LRP1B: variants seen among roughly 807,000 people sequenced by gnomAD.
LRP1B encodes the protein LDL receptor related protein 1B.
LRP1B carries 217 observed loss-of-function variants against 556.6 expected under a neutral mutation model. The ratio of observed to expected loss-of-function variants is 0.39; its 90% CI spans 0.35 to 0.44. The LOEUF (loss-of-function observed/expected upper bound fraction) is 0.44, where lower values mean the gene tolerates loss of function less well. LRP1B is among the 20% of genes least tolerant of loss of function. LRP1B has a pLI of 1.00. For synonymous variants in LRP1B, 2,047 were observed against 1,865.8 expected (o/e 1.10, Z -2.50); for missense variants, 5,053 against 5,620.8 (o/e 0.90, Z 3.23).
intron 1 of LRP1B, among the ~76,000 whole-genome samples, chr2:142,105,131 G>T (rs1376726626): frequency 6.6e-6 from 1 of 152,146 alleles, no homozygotes; most frequent in East Asian, 1.9e-4. Context: ...AAAGGCTACT[G>T]AACAAACCTG....
chr2:140,279,236 CTTGTAAA>C (rs887698679), intron 84 of LRP1B, among the ~76,000 whole-genome samples: 4 of 151,934 alleles, frequency 2.6e-5, no homozygotes, highest in African/African-American at 7.2e-5. Flanking sequence ...TCATTGGATA[CTTGTAAA>C]TTGTAAAGCA....
chr2:141,897,854 T>TTAGCTAC (rs1699500118), intron 1 of LRP1B, among the ~76,000 whole-genome samples: 1 of 152,136 alleles, frequency 6.6e-6, no homozygotes, highest in Non-Finnish European at 1.5e-5. Flanking sequence ...AATTTTTCCA[T>TTAGCTAC]TAGCTACATG....
intron 5 of LRP1B, among the ~76,000 whole-genome samples, chr2:141,244,735 A>T (rs1308633613): frequency 6.6e-6 from 1 of 152,138 alleles, no homozygotes; most frequent in African/African-American, 2.4e-5. Context: ...AATTGTACAA[A>T]TACATTGGTT....
Position 141,433,018 on chromosome 2 carries a change from T to G in LRP1B, c.343+47378A>C, listed in dbSNP as rs191828881. On this transcript the variant is annotated intron_variant, in intron 3 of 90. Coordinates refer to ENST00000389484, the MANE Select transcript of LRP1B (RefSeq NM_018557.3). ...TGAGACTTCTCTTCTTTCTTAATAT[T>G]GTATAGGTATATACAACTATTCTCT... Among the ~76,000 whole-genome samples, 200 of 152,184 alleles carry G rather than the reference T, an allele frequency of 1.3e-3. 1 individual carries two copies. Among genetic ancestry groups the G allele is most frequent in the African/African-American group, 4.6e-3 (192 of 41,578 alleles).
chr2:141,950,879 T>G (rs1701087489), intron 1 of LRP1B, among the ~76,000 whole-genome samples: 1 of 152,162 alleles, frequency 6.6e-6, no homozygotes, highest in African/African-American at 2.4e-5. Context: ...TATGCCTAAA[T>G]CTTTGATAAA....
At chr2:141,240,742 T>C (rs1683836204) in intron 5 of LRP1B, among the ~76,000 whole-genome samples, 1 of 152,112 alleles carries the variant, frequency 6.6e-6, no homozygotes, top group Non-Finnish European at 1.5e-5. Context: ...GCAAAGTTTA[T>C]TGACTGTCAC....
intron 2 of LRP1B, among the ~76,000 whole-genome samples, chr2:141,795,292 C>G (rs899193099): frequency 6.6e-6 from 1 of 152,038 alleles, no homozygotes; most frequent in Non-Finnish European, 1.5e-5. Flanking sequence ...ATCTCCTAGT[C>G]TCCATGCTGT....
chr2:142,095,090 G>A (rs1706311123), intron 1 of LRP1B, among the ~76,000 whole-genome samples: 1 of 150,660 alleles, frequency 6.6e-6, no homozygotes, highest in African/African-American at 2.4e-5. Flanking sequence ...ATAGTTTTCT[G>A]TTCACAGAGA....
chr2:141,462,385 G>T (rs1390993392), intron 3 of LRP1B, among the ~76,000 whole-genome samples: 1 of 151,608 alleles, frequency 6.6e-6, no homozygotes, highest in African/African-American at 2.4e-5. Context: ...TCCTCCTATT[G>T]TACAATAAGA....
intron 80 of LRP1B, 53 bp downstream of exon 80, chr2:140,325,695 CATTTTTGTATTAGT>C (rs1680436446): frequency 3.8e-6 from 4 of 1,057,938 alleles, no homozygotes; most frequent in Non-Finnish European, 5.6e-6. Flanking sequence ...TCCATACTTA[CATTTTTGTATTAGT>C]ATTTAACACT....
intron 2 of LRP1B, among the ~76,000 whole-genome samples, chr2:141,492,944 T>A (rs544281677): frequency 6.6e-6 from 1 of 152,304 alleles, no homozygotes; most frequent in East Asian, 1.9e-4. Flanking sequence ...TATGATACAC[T>A]TTTAATGAAA....
chr2:141,951,027 A>G (rs2105033414), intron 1 of LRP1B, among the ~76,000 whole-genome samples: 1 of 152,298 alleles, frequency 6.6e-6, no homozygotes, highest in South Asian at 2.1e-4. Context: ...TCTGTACAGT[A>G]AAATCTAAAA....
chr2:140,695,717 T>A (rs1301557165), intron 41 of LRP1B, among the ~76,000 whole-genome samples: 1 of 152,162 alleles, frequency 6.6e-6, no homozygotes, highest in African/African-American at 2.4e-5. Context: ...TCACCAGGTA[T>A]CTTGATTCTT....
At chr2:140,457,390 T>A (rs898926153) in intron 61 of LRP1B, 73 bp downstream of exon 61, 2 of 1,194,280 alleles carry the variant, frequency 1.7e-6, no homozygotes, top group Non-Finnish European at 2.4e-6. Context: ...ACATTTAACC[T>A]TGAAATAATA....
intron 2 of LRP1B, among the ~76,000 whole-genome samples, chr2:141,646,565 A>T (rs1316920949): frequency 3.3e-5 from 5 of 152,172 alleles, no homozygotes; most frequent in Non-Finnish European, 7.3e-5. Context: ...TTTGCTGCTC[A>T]TTGGGTGTAT....
At chr2:140,633,878 C>A (rs1409323314) in intron 41 of LRP1B, among the ~76,000 whole-genome samples, 1 of 152,098 alleles carries the variant, frequency 6.6e-6, no homozygotes, top group African/African-American at 2.4e-5. Flanking sequence ...CATTAGAGAA[C>A]AAATGATACC....
At chr2:140,823,390 A>G (rs1691393706) in intron 31 of LRP1B, among the ~76,000 whole-genome samples, 1 of 152,136 alleles carries the variant, frequency 6.6e-6, no homozygotes, top group African/African-American at 2.4e-5. Context: ...TAATTACAAT[A>G]ATTGCTTGCA....
intron 31 of LRP1B, among the ~76,000 whole-genome samples, chr2:140,824,189 G>A (rs530893694): frequency 7.4e-4 from 112 of 151,962 alleles, no homozygotes; most frequent in Non-Finnish European, 3.8e-4. Context: ...TAATTAGTAA[G>A]AAACATAAGC....
intron 32 of LRP1B, among the ~76,000 whole-genome samples, chr2:140,792,381 T>A (rs533427655): frequency 3.5e-4 from 53 of 152,280 alleles, no homozygotes; most frequent in African/African-American, 1.3e-3. Context: ...CATCTTAGAT[T>A]TTGTTGACAA....
Sources: gnomAD v4.1 joint callset for allele counts (sites outside exome capture counted in the v4.1 genomes callset) on GRCh38, gnomAD v4.1.1 for gene constraint, MANE v1.5 for transcripts, NCBI Gene and HGNC (gene_info 2026-07-23, HGNC 2026-07-21) for gene names.